The following THSD7A variants were observed in gnomAD, a reference collection of about 807,000 sequenced individuals.
THSD7A encodes thrombospondin type-1 domain-containing protein 7A.
In THSD7A, 96 loss-of-function variants were observed where a neutral mutation model predicts 231.3. That is an observed-to-expected ratio of 0.41 (90% confidence interval 0.35 to 0.49). The LOEUF (loss-of-function observed/expected upper bound fraction) is 0.49, where lower values mean the gene tolerates loss of function less well. THSD7A is among the 20% of genes least tolerant of loss of function. THSD7A has a pLI of 0.05. For synonymous variants in THSD7A, 940 were observed against 743.3 expected, an observed-to-expected ratio of 1.26 and a Z score of -4.30; for missense variants, 2,290 against 2,070.2, an observed-to-expected ratio of 1.11 and a Z score of -2.06.
At chr7:11,688,171 C>T (rs1210327586) in intron 1 of THSD7A, among the ~76,000 whole-genome samples, 1 of 150,146 alleles carries the variant, frequency 6.7e-6, no homozygotes, top group African/African-American at 2.5e-5. Flanking sequence ...GTTTTTTGTC[C>T]TTGTGATAGT....
intron 16 of THSD7A, 43 bp from the exon 17 acceptor site, chr7:11,417,646 T>C: frequency 6.4e-7 from 1 of 1,565,788 alleles, no homozygotes; most frequent in Non-Finnish European, 8.6e-7. Context: ...ATACATACAT[T>C]CTAGAAGTAA....
chr7:11,437,012 A>G (rs1430617508), intron 13 of THSD7A, among the ~76,000 whole-genome samples: 1 of 152,122 alleles, frequency 6.6e-6, no homozygotes. Context: ...TGGTTGTTGC[A>G]AATAATGAAT....
At chr7:11,790,830 G>T (rs1783930906) in intron 1 of THSD7A, among the ~76,000 whole-genome samples, 1 of 151,756 alleles carries the variant, frequency 6.6e-6, no homozygotes, top group Admixed American at 6.6e-5. Flanking sequence ...GAGGCAACAG[G>T]TTATTTTTCT....
chr7:11,425,508 G>C (rs1475419586), intron 15 of THSD7A, among the ~76,000 whole-genome samples: 1 of 152,028 alleles, frequency 6.6e-6, no homozygotes, highest in Non-Finnish European at 1.5e-5. Context: ...CTCTGCTCCA[G>C]GGTCCATAAA....
chr7:11,706,050 G>T (rs558564652), intron 1 of THSD7A, among the ~76,000 whole-genome samples: 88 of 151,006 alleles, frequency 5.8e-4, no homozygotes, highest in Admixed American at 2.3e-3. Context: ...AGCCACATTC[G>T]TCTGGTTCTT....
chr7:11,806,852 G>A (rs1261927306), intron 1 of THSD7A, among the ~76,000 whole-genome samples: 1 of 152,018 alleles, frequency 6.6e-6, no homozygotes, highest in Non-Finnish European at 1.5e-5. Flanking sequence ...GTGCCTTTTA[G>A]GCCTTCTAAG....
intron 13 of THSD7A, among the ~76,000 whole-genome samples, chr7:11,445,703 C>A (rs1412767613): frequency 6.6e-6 from 1 of 152,008 alleles, no homozygotes; most frequent in Non-Finnish European, 1.5e-5. Flanking sequence ...CTTATTTCCT[C>A]CTTACTCCCT....
At chr7:11,575,356 T>G (rs1362393896) in intron 4 of THSD7A, among the ~76,000 whole-genome samples, 1 of 152,222 alleles carries the variant, frequency 6.6e-6, no homozygotes, top group East Asian at 1.9e-4. Context: ...CAAACAGATT[T>G]AAGGACTTTT....
intron 6 of THSD7A, among the ~76,000 whole-genome samples, chr7:11,497,856 T>A (rs1161625294): frequency 1.3e-5 from 2 of 152,044 alleles, no homozygotes; most frequent in South Asian, 4.2e-4. Flanking sequence ...GGGAGCAACA[T>A]GGAGCCAGGG....
intron 1 of THSD7A, among the ~76,000 whole-genome samples, chr7:11,772,522 C>A (rs1336964680): frequency 6.6e-6 from 1 of 152,094 alleles, no homozygotes; most frequent in Non-Finnish European, 1.5e-5. Flanking sequence ...TACATATACA[C>A]CATGAAATAC....
intron 1 of THSD7A, chr7:11,751,307 G>A (rs1406262901): frequency 6.6e-5 from 10 of 152,048 alleles, no homozygotes; most frequent in Admixed American, 3.3e-4. Context: ...GGGAGGAAAA[G>A]AGGGCAATGG....
rs1309262822 is a variant in THSD7A, at chr7:11,444,778, C to T, written c.3064+1283G>A. Among the ~76,000 whole-genome samples, 1 of 135,478 alleles carries T rather than the reference C, an allele frequency of 7.4e-6. No homozygotes were observed. The highest frequency in any genetic ancestry group is 1.5e-5 in the Non-Finnish European group (1 of 66,282). 88.9% of individuals were successfully genotyped at this position (135,478 alleles called of 152,430 possible). A position where few individuals can be genotyped will look rare whatever the true frequency, so the allele number is the denominator to read the frequency against. The stretch of plus-strand genomic sequence containing the variant: ...AAAAAAAGAGAGGGGGCACAGTTGT[C>T]TGCTCTGTGTGTGTGTGTGTGTGTG... On this transcript the variant is annotated intron_variant, in intron 13 of 27. Transcript: ENST00000423059. This position sits in a 1 kb window ranked among gnomAD's most constrained non-coding sequence, Gnocchi z 4.2.
intron 4 of THSD7A, among the ~76,000 whole-genome samples, chr7:11,589,236 C>G (rs1217594551): frequency 1.3e-5 from 2 of 151,986 alleles, no homozygotes; most frequent in African/African-American, 4.8e-5. Context: ...CTAGGAAATC[C>G]AATCCTTTCC....
chr7:11,644,323 T>A (rs1001479191), intron 1 of THSD7A, among the ~76,000 whole-genome samples: 2 of 151,964 alleles, frequency 1.3e-5, no homozygotes, highest in Non-Finnish European at 2.9e-5. Context: ...ATTATACTAA[T>A]TGAATTGATT....
intron 23 of THSD7A, among the ~76,000 whole-genome samples, chr7:11,400,921 C>A (rs1431314797): frequency 6.6e-6 from 1 of 152,172 alleles, no homozygotes; most frequent in African/African-American, 2.4e-5. Flanking sequence ...GTTTTCGAGT[C>A]TTCGGGTGTT....
chr7:11,408,722 G>A (rs1783675363), intron 19 of THSD7A, among the ~76,000 whole-genome samples: 1 of 152,150 alleles, frequency 6.6e-6, no homozygotes, highest in Non-Finnish European at 1.5e-5. Context: ...TTAGCTCTAA[G>A]TTATCCACTG....
chr7:11,452,749 C>T (rs1785185443), intron 11 of THSD7A, among the ~76,000 whole-genome samples: 1 of 151,912 alleles, frequency 6.6e-6, no homozygotes. Flanking sequence ...TGTTAATAAG[C>T]ATTTTATGAC....
intron 1 of THSD7A, among the ~76,000 whole-genome samples, chr7:11,759,305 G>A (rs1782781215): frequency 6.6e-6 from 1 of 152,062 alleles, no homozygotes; most frequent in Admixed American, 6.6e-5. Flanking sequence ...CATGTAATTT[G>A]AAAAAGAACC....
chr7:11,710,252 T>G (rs2355066), intron 1 of THSD7A, among the ~76,000 whole-genome samples: 70,432 of 148,550 alleles, frequency 0.47, 16,782 homozygotes, highest in Admixed American at 0.55. Flanking sequence ...CAAGGATAAA[T>G]TAAACACACT....
Sources: gnomAD v4.1 joint callset for allele counts (sites outside exome capture counted in the v4.1 genomes callset) on GRCh38, gnomAD v4.1.1 for gene constraint, Gnocchi (gnomAD v3.1) non-coding constraint, MANE v1.5 for transcripts, NCBI Gene and HGNC (gene_info 2026-07-23, HGNC 2026-07-21) for gene names.